Variants in SMAD2 observed in about 807,000 individuals in gnomAD.
The protein encoded by SMAD2 is SMAD family member 2, also known as MAD homolog 2.
SMAD2 carries 8 observed loss-of-function variants against 64.4 expected under a neutral mutation model. The ratio of observed to expected loss-of-function variants is 0.12; its 90% CI spans 0.07 to 0.22. The LOEUF (loss-of-function observed/expected upper bound fraction) is 0.22. Among genes scored for constraint, SMAD2 ranks in the 10% least tolerant of loss-of-function variants. SMAD2 has a pLI of 1.00. For missense variants in SMAD2, 289 were observed against 561.2 expected, an observed-to-expected ratio of 0.51 and a Z score of 4.90; for synonymous variants, 203 against 195.8, an observed-to-expected ratio of 1.04 and a Z score of -0.31.
intron 10 of SMAD2, chr18:47,845,132 C>T: frequency 1.6e-6 from 1 of 644,382 alleles, no homozygotes; most frequent in East Asian, 2.7e-5. Context: ...AAAATGCACG[C>T]CTGTGCATGT....
rs776888246 is a variant in SMAD2 at position 47,823,804 on chromosome 18, C to T, written c.*18023G>A. The T allele has an allele frequency of 3.9e-5, 6 of 152,188 alleles. No homozygotes were observed. The highest frequency in any genetic ancestry group is 7.4e-5 in the Non-Finnish European group (5 of 68,014). 9.4% of individuals were successfully genotyped at this position (152,188 alleles called of 1,614,324 possible). ...TATGCAAACTGGGATTGTCACATTA[C>T]TATTAATTTTGTGTATTTCCTTTTT... is the stretch of plus-strand genomic sequence containing the variant. On this transcript the variant is annotated 3_prime_UTR_variant, in exon 11 of 11. Coordinates refer to ENST00000262160, the MANE Select transcript of SMAD2 (RefSeq NM_005901.6).
chr18:47,821,793 A>G lies in SMAD2; in HGVS notation c.*20034T>C, dbSNP rs1322966757. The G allele has an allele frequency of 6.6e-6, 1 of 152,180 alleles. No individual in the cohort carries two copies. Among genetic ancestry groups the G allele is most frequent in the African/African-American group, 2.4e-5 (1 of 41,456 alleles). The allele number at this position is 152,180 out of a possible 1,614,324, so 9.4% of individuals were successfully genotyped here. ...TTGCTTGGGAAAAATGAAGCTTTGA[A>G]AAGATGGTTTTTAAATGTATGTAAC... On this transcript the variant is annotated 3_prime_UTR_variant, in exon 11 of 11. Coordinates refer to ENST00000262160, the MANE Select transcript of SMAD2 (RefSeq NM_005901.6).
At chr18:47,882,230 G>A (rs1249431257) in intron 2 of SMAD2, 2 of 151,514 alleles carry the variant, frequency 1.3e-5, no homozygotes, top group Non-Finnish European at 2.9e-5. Flanking sequence ...AGGTCCCAAT[G>A]TCTCATGCAG....
At chr18:47,863,559 T>C (rs1165788829) in intron 6 of SMAD2, among the ~76,000 whole-genome samples, 2 of 152,216 alleles carry the variant, frequency 1.3e-5, no homozygotes, top group African/African-American at 2.4e-5. Flanking sequence ...CAGCCTTTTT[T>C]TTCTGGCTTA....
intron 10 of SMAD2, among the ~76,000 whole-genome samples, chr18:47,843,549 G>T (rs138985297): frequency 6.6e-6 from 1 of 152,134 alleles, no homozygotes; most frequent in African/African-American, 2.4e-5. Flanking sequence ...ATGACATTAA[G>T]GAAATTTAAA....
At chr18:47,859,690 A>G (rs1206373728) in intron 6 of SMAD2, among the ~76,000 whole-genome samples, 2 of 152,202 alleles carry the variant, frequency 1.3e-5, no homozygotes, top group Non-Finnish European at 2.9e-5. Context: ...AAACAAATCA[A>G]TGATCTAAAT....
Position 47,888,394 on chromosome 18 carries a change from T to C in SMAD2, c.236+8127A>G, listed in dbSNP as rs538786173. ...AAAGAAGCTCTGAGGAATAAAACAGTAGAACTTTTGACAGTCACATGAGTA... is the reference window on the plus strand; with the variant it reads ...AAAGAAGCTCTGAGGAATAAAACAGCAGAACTTTTGACAGTCACATGAGTA... On this transcript the variant is annotated intron_variant, in intron 2 of 10. Transcript: ENST00000262160. 3.9e-5 allele frequency among the ~76,000 whole-genome samples: 6 copies of C among 152,216 alleles called. No homozygotes were observed. The South Asian group carries it at 1.2e-3, about 32-fold the overall frequency.
At position 47,827,544 on chromosome 18, in the gene SMAD2, T is replaced by A. The variant is rs1316852657; in HGVS notation, c.*14283A>T. 1.3e-5 allele frequency: 2 copies of A among 152,664 alleles called. No individual in the cohort carries two copies. The highest frequency in any genetic ancestry group is 2.9e-5 in the Non-Finnish European group (2 of 68,388). 9.5% of individuals were successfully genotyped at this position (152,664 alleles called of 1,614,324 possible). On this transcript the variant is annotated 3_prime_UTR_variant, in exon 11 of 11. Coordinates refer to ENST00000262160, the MANE Select transcript of SMAD2 (RefSeq NM_005901.6). ...CTCTGATGCCGAGCCAAGGCTGGAC[T>A]GTACTGCCGCCATCTCGGCTCACTG...
In SMAD2 at chr18:47,833,756, A is replaced by C. The variant is rs563395112; in HGVS notation, c.*8071T>G. 3.0e-5 allele frequency: 7 copies of C among 230,962 alleles called. No homozygotes were observed. Among genetic ancestry groups the C allele is most frequent in the Admixed American group, 1.7e-4 (3 of 17,716 alleles). The allele number at this position is 230,962 out of a possible 1,614,324, so 14.3% of individuals were successfully genotyped here. On this transcript the variant is annotated 3_prime_UTR_variant, in exon 11 of 11. Transcript: ENST00000262160. ...CAACATTCACGGAAAAATGTTAACA[A>C]CACATTCTGGCTTCTCGAGCAGAAC...
At chr18:47,928,393 T>C (rs946690642) in intron 1 of SMAD2, among the ~76,000 whole-genome samples, 1 of 152,148 alleles carries the variant, frequency 6.6e-6, no homozygotes, top group Admixed American at 6.5e-5. Context: ...TTCCCCCAAA[T>C]GTGAAGTAAA....
intron 10 of SMAD2, chr18:47,845,032 A>C (rs1420963261): frequency 1.8e-6 from 1 of 563,624 alleles, no homozygotes; most frequent in African/African-American, 1.9e-5. Flanking sequence ...GTTTTCCTTG[A>C]GCACCGTGTG....
Position 47,815,380 on chromosome 18 carries a change from T to G in SMAD2, c.*26447A>C, listed in dbSNP as rs1226859120. On this transcript the variant is annotated 3_prime_UTR_variant, in exon 11 of 11. Coordinates refer to ENST00000262160, the MANE Select transcript of SMAD2 (RefSeq NM_005901.6). Reference sequence around the variant, plus strand: ...TGGGAGCTGGGAAGAGGGAAGAACATTGATAGAAAATCTGAAAGCCCACAG... The same window carrying G: ...TGGGAGCTGGGAAGAGGGAAGAACAGTGATAGAAAATCTGAAAGCCCACAG... 1.3e-5 allele frequency: 2 copies of G among 152,180 alleles called. No homozygotes were observed. The highest frequency in any genetic ancestry group is 1.3e-4 in the Admixed American group (2 of 15,284). The allele number at this position is 152,180 out of a possible 1,614,324, so 9.4% of individuals were successfully genotyped here.
chr18:47,865,219 A>T, intron 5 of SMAD2, 86 bp from the exon 6 acceptor site: 1 of 732,274 alleles, frequency 1.4e-6, no homozygotes, highest in Non-Finnish European at 2.5e-6. Context: ...CCAATGAATC[A>T]CTCCAAATAA....
chr18:47,909,982 G>C (rs2034060846), intron 1 of SMAD2, among the ~76,000 whole-genome samples: 1 of 152,044 alleles, frequency 6.6e-6, no homozygotes, highest in Non-Finnish European at 1.5e-5. Context: ...AAAGAACTCT[G>C]ATAGAGTGTC....
intron 1 of SMAD2, among the ~76,000 whole-genome samples, chr18:47,897,838 T>C (rs2033508641): frequency 6.6e-6 from 1 of 152,146 alleles, no homozygotes; most frequent in Non-Finnish European, 1.5e-5. Flanking sequence ...CTTACGCTTT[T>C]CTTTCCTTTG....
intron 2 of SMAD2, among the ~76,000 whole-genome samples, chr18:47,894,047 A>C (rs549914544): frequency 3.3e-5 from 5 of 152,324 alleles, no homozygotes; most frequent in Non-Finnish European, 7.4e-5. Context: ...TGTAAAAAGA[A>C]TGGGAAATAA....
intron 6 of SMAD2, among the ~76,000 whole-genome samples, chr18:47,863,365 A>G (rs2031328461): frequency 6.6e-6 from 1 of 152,228 alleles, no homozygotes; most frequent in Admixed American, 6.5e-5. Context: ...ACTGAAACAG[A>G]AATATTAGGT....
chr18:47,844,893 C>A, intron 10 of SMAD2: 1 of 240,890 alleles, frequency 4.2e-6, no homozygotes, highest in Non-Finnish European at 8.0e-6. Context: ...AATTGTCCAG[C>A]CTTATTTTTC....
chr18:47,852,825 AGAC>A (rs1344656672), intron 6 of SMAD2, among the ~76,000 whole-genome samples: 1 of 152,222 alleles, frequency 6.6e-6, no homozygotes, highest in African/African-American at 2.4e-5. Flanking sequence ...GAACCACCAC[AGAC>A]AACATATGAA....
Sources: gnomAD v4.1 joint callset for allele counts (sites outside exome capture counted in the v4.1 genomes callset) on GRCh38, gnomAD v4.1.1 for gene constraint, MANE v1.5 for transcripts, NCBI Gene and HGNC (gene_info 2026-07-23, HGNC 2026-07-21) for gene names.